Variants in RAB38 observed in about 807,000 individuals in gnomAD.
RAB38 encodes the protein RAB38, member RAS oncogene family.
Under a neutral mutation model 18.4 loss-of-function variants are expected in RAB38, and 15 were observed. The observed-to-expected ratio is 0.82, with a 90% CI of 0.55 to 1.26. The LOEUF (loss-of-function observed/expected upper bound fraction) is 1.26, where lower values mean the gene tolerates loss of function less well. Ranked by LOEUF, RAB38 falls within the 50% of genes most tolerant of loss-of-function variation. The probability of loss-of-function intolerance (pLI) is 0.00; values close to 1 mark genes in which losing one functional copy is unlikely to be tolerated. For missense variants in RAB38, 294 were observed against 267.4 expected (o/e 1.10, Z -0.69); for synonymous variants, 101 against 104.4 (o/e 0.97, Z 0.20).
At chr11:87,840,894 C>T in the RAB38 span, among the ~76,000 whole-genome samples, 2 of 152,108 alleles carry the variant, frequency 1.3e-5, no homozygotes, top group Non-Finnish European at 2.9e-5. Flanking sequence ...CTTTTGCCTG[C>T]TCACCAAGGA....
At chr11:87,860,636 C>T in the RAB38 span, among the ~76,000 whole-genome samples, 2 of 151,860 alleles carry the variant, frequency 1.3e-5, no homozygotes, top group Non-Finnish European at 2.9e-5. Flanking sequence ...ATGGAGTTAT[C>T]TGCTGAGTGA....
Position 88,141,464 on chromosome 11 carries a change from G to A in RAB38, c.483+8211C>T, listed in dbSNP as rs149748300. Among the ~76,000 whole-genome samples the A allele has an allele frequency of 7.5e-3, 1,137 of 152,168 alleles. 1 individual carries two copies. Among genetic ancestry groups the A allele is most frequent in the Non-Finnish European group, 0.013 (903 of 67,972 alleles). The stretch of plus-strand genomic sequence containing the variant: ...TAGTGCTGAGGTTGAAAAACCCTAC[G>A]CCTTATATTAGGATTTGCCAAATTT... On this transcript the variant is annotated intron_variant, in intron 2 of 2. Coordinates refer to ENST00000243662, the MANE Select transcript of RAB38 (RefSeq NM_022337.3).
the RAB38 span, among the ~76,000 whole-genome samples, chr11:88,042,180 A>G: frequency 1.3e-5 from 2 of 152,158 alleles, no homozygotes; most frequent in African/African-American, 4.8e-5. Context: ...TAGGTCATAG[A>G]CTTCCTAGGA....
the RAB38 span, among the ~76,000 whole-genome samples, chr11:88,065,851 G>A: frequency 6.6e-6 from 1 of 152,138 alleles, no homozygotes; most frequent in Admixed American, 6.5e-5. Flanking sequence ...ATCTCCCTTC[G>A]ATTTGGTCAA....
chr11:88,072,069 A>G, the RAB38 span, among the ~76,000 whole-genome samples: 1 of 152,198 alleles, frequency 6.6e-6, no homozygotes, highest in Admixed American at 6.5e-5. Flanking sequence ...GCAAGAAACA[A>G]ATCTCATTGT....
chr11:88,125,360 T>A (rs1230406126), intron 2 of RAB38, among the ~76,000 whole-genome samples: 1 of 152,134 alleles, frequency 6.6e-6, no homozygotes, highest in African/African-American at 2.4e-5. Flanking sequence ...CTTATTCCCA[T>A]CTCTATCTGT....
the RAB38 span, among the ~76,000 whole-genome samples, chr11:87,968,293 G>A: frequency 6.6e-6 from 1 of 152,088 alleles, no homozygotes; most frequent in Non-Finnish European, 1.5e-5. Flanking sequence ...GCCGTTAATT[G>A]TCCTCCATAT....
At chr11:87,903,532 A>T in the RAB38 span, among the ~76,000 whole-genome samples, 6 of 151,574 alleles carry the variant, frequency 4.0e-5, no homozygotes, top group Admixed American at 4.0e-4. Context: ...TTGTATTGTA[A>T]ATGTTTTGTT....
At chr11:87,825,399 G>T in the RAB38 span, among the ~76,000 whole-genome samples, 3 of 152,144 alleles carry the variant, frequency 2.0e-5, no homozygotes, top group East Asian at 1.9e-4. Flanking sequence ...TATTGGAGGT[G>T]GGAAGTCCTT....
chr11:87,888,591 G>A, the RAB38 span, among the ~76,000 whole-genome samples: 1 of 151,868 alleles, frequency 6.6e-6, no homozygotes, highest in Non-Finnish European at 1.5e-5. Flanking sequence ...GTACTAATCT[G>A]TACCTTTCCT....
chr11:88,175,130 G>A, intron 1 of RAB38, 53 bp downstream of exon 1: 3 of 1,496,766 alleles, frequency 2.0e-6, no homozygotes, highest in Non-Finnish European at 2.7e-6. Flanking sequence ...CCTCGAGACT[G>A]GAAACCGGCC....
the RAB38 span, among the ~76,000 whole-genome samples, chr11:88,038,796 T>C: frequency 2.0e-5 from 3 of 152,206 alleles, no homozygotes; most frequent in Middle Eastern, 3.2e-3. Flanking sequence ...AAATGGCTTA[T>C]TATTTTTACT....
At chr11:88,017,288 T>G in the RAB38 span, among the ~76,000 whole-genome samples, 2 of 151,970 alleles carry the variant, frequency 1.3e-5, no homozygotes, top group East Asian at 3.9e-4. Flanking sequence ...TACTTTTCAG[T>G]GGAGAAAATC....
At chr11:87,973,385 G>A in the RAB38 span, among the ~76,000 whole-genome samples, 1 of 152,002 alleles carries the variant, frequency 6.6e-6, no homozygotes, top group East Asian at 1.9e-4. Flanking sequence ...CTCTGAAGTG[G>A]ACACAACACA....
the RAB38 span, among the ~76,000 whole-genome samples, chr11:87,933,777 T>C: frequency 5.9e-5 from 9 of 152,068 alleles, no homozygotes; most frequent in East Asian, 1.9e-4. Flanking sequence ...CCTACCTACA[T>C]TGGCATTTTC....
chr11:87,898,369 A>T, the RAB38 span, among the ~76,000 whole-genome samples: 1 of 151,556 alleles, frequency 6.6e-6, no homozygotes, highest in Non-Finnish European at 1.5e-5. Context: ...TCCCAAACCA[A>T]TCATCTCCTC....
the RAB38 span, among the ~76,000 whole-genome samples, chr11:87,945,163 T>C: frequency 1.3e-4 from 20 of 152,222 alleles, no homozygotes; most frequent in South Asian, 1.0e-3. Context: ...CTTTCGAGAG[T>C]AGAATTAAGA....
the RAB38 span, among the ~76,000 whole-genome samples, chr11:87,976,290 A>G: frequency 6.9e-6 from 1 of 144,446 alleles, no homozygotes; most frequent in East Asian, 2.0e-4. Context: ...ATATATATAT[A>G]CATACACACA....
chr11:88,028,703 A>G, the RAB38 span, among the ~76,000 whole-genome samples: 3 of 152,192 alleles, frequency 2.0e-5, no homozygotes, highest in Non-Finnish European at 4.4e-5. Context: ...GAAATGAACA[A>G]AGCCTCCAAG....
Sources: gnomAD v4.1 joint callset for allele counts (sites outside exome capture counted in the v4.1 genomes callset) on GRCh38, gnomAD v4.1.1 for gene constraint, MANE v1.5 for transcripts, NCBI Gene and HGNC (gene_info 2026-07-23, HGNC 2026-07-21) for gene names.